Variants in MGAT4A observed in about 807,000 individuals in gnomAD.
The protein encoded by MGAT4A is N-acetylglucosaminyltransferase IVa.
Under a neutral mutation model 74.1 loss-of-function variants are expected in MGAT4A, and 33 were observed. The observed-to-expected ratio is 0.45, with a 90% CI of 0.34 to 0.60. The LOEUF (loss-of-function observed/expected upper bound fraction) is 0.60. Among genes scored for constraint, MGAT4A ranks in the 20% least tolerant of loss-of-function variants. MGAT4A has a pLI of 0.02. For synonymous variants in MGAT4A, 198 were observed against 210.4 expected, an observed-to-expected ratio of 0.94 and a Z score of 0.51; for missense variants, 479 against 628.3, an observed-to-expected ratio of 0.76 and a Z score of 2.54.
intron 2 of MGAT4A, among the ~76,000 whole-genome samples, chr2:98,679,186 C>T (rs926299718): frequency 2.0e-5 from 3 of 152,054 alleles, no homozygotes; most frequent in Non-Finnish European, 4.4e-5. Context: ...GTGGGCGGAT[C>T]ACGAGGTCAG....
rs142922685 is a variant in MGAT4A, at chr2:98,667,696, T to TTTGTTGTTGTTG, written c.404-4529_404-4518dup. 3.1e-3 allele frequency among the ~76,000 whole-genome samples: 471 copies of TTTGTTGTTGTTG among 150,268 alleles called. 4 individuals carry two copies. The highest frequency in any genetic ancestry group is 0.01 in the African/African-American group (425 of 40,674). ...TGGGTGCTGTTAAAGGCATTCAGTTTTTGTTGTTGTTGTTGTTGTTGTTGT... is the reference window on the plus strand; with the variant it reads ...TGGGTGCTGTTAAAGGCATTCAGTTTTTGTTGTTGTTGTTGTTGTTGTTGTTGTTGTTGTTGT... On this transcript the variant is annotated intron_variant, in intron 4 of 15. Transcript: ENST00000393487.
intron 2 of MGAT4A, among the ~76,000 whole-genome samples, chr2:98,702,550 G>T (rs761169931): frequency 1.3e-5 from 2 of 152,210 alleles, no homozygotes; most frequent in African/African-American, 2.4e-5. Context: ...GGTCATTAGA[G>T]CCCATGCATG....
At chr2:98,636,216 C>T (rs1234785275) in intron 13 of MGAT4A, among the ~76,000 whole-genome samples, 1 of 151,790 alleles carries the variant, frequency 6.6e-6, no homozygotes, top group Admixed American at 6.6e-5. Flanking sequence ...TGGTTTTGAA[C>T]TCCTGACCTC....
intron 2 of MGAT4A, among the ~76,000 whole-genome samples, chr2:98,688,441 A>ATAG (rs1702155215): frequency 6.6e-6 from 1 of 152,154 alleles, no homozygotes; most frequent in Non-Finnish European, 1.5e-5. Flanking sequence ...CTTCTAATGA[A>ATAG]CAGAATATGG....
intron 4 of MGAT4A, among the ~76,000 whole-genome samples, chr2:98,665,885 C>G (rs1701822366): frequency 6.6e-6 from 1 of 152,154 alleles, no homozygotes; most frequent in Non-Finnish European, 1.5e-5. Context: ...TTGACATAGT[C>G]AAGAAATACC....
At chr2:98,674,979 C>G in intron 4 of MGAT4A, 56 bp downstream of exon 4, 1 of 1,573,782 alleles carries the variant, frequency 6.4e-7, no homozygotes, top group South Asian at 1.2e-5. Flanking sequence ...ACATAATAGT[C>G]CAAAACACAT....
chr2:98,719,806 C>T (rs1702641135), intron 2 of MGAT4A, among the ~76,000 whole-genome samples: 1 of 152,240 alleles, frequency 6.6e-6, no homozygotes, highest in Non-Finnish European at 1.5e-5. Context: ...CACCACCACG[C>T]CCAGCTAATT....
intron 7 of MGAT4A, 168 bp downstream of exon 7, chr2:98,656,184 C>G (rs1701658144): frequency 1.8e-6 from 1 of 548,744 alleles, no homozygotes; most frequent in Non-Finnish European, 3.2e-6. Flanking sequence ...TTTACATATT[C>G]TAAGAAAACT....
chr2:98,702,863 CCAGTT>C (rs1702371349), intron 2 of MGAT4A, among the ~76,000 whole-genome samples: 1 of 152,196 alleles, frequency 6.6e-6, no homozygotes. Flanking sequence ...TTAGTCCAGT[CCAGTT>C]ACTTAAACAA....
At chr2:98,700,000 A>G (rs1283351977) in intron 2 of MGAT4A, among the ~76,000 whole-genome samples, 2 of 152,194 alleles carry the variant, frequency 1.3e-5, no homozygotes, top group Non-Finnish European at 2.9e-5. Context: ...TGCACGTGAG[A>G]TAACATCTGA....
At chr2:98,705,806 G>A (rs1415236897) in intron 2 of MGAT4A, among the ~76,000 whole-genome samples, 4 of 151,928 alleles carry the variant, frequency 2.6e-5, no homozygotes, top group East Asian at 1.9e-4. Flanking sequence ...AGCCGGGCGC[G>A]GTGGCGGGCG....
intron 3 of MGAT4A, among the ~76,000 whole-genome samples, chr2:98,677,400 T>A (rs995993988): frequency 2.6e-5 from 4 of 152,234 alleles, no homozygotes; most frequent in African/African-American, 9.6e-5. Context: ...AATCTCATTT[T>A]CAAAAGATGC....
intron 2 of MGAT4A, among the ~76,000 whole-genome samples, chr2:98,691,858 C>T (rs1702199426): frequency 6.6e-6 from 1 of 152,162 alleles, no homozygotes; most frequent in African/African-American, 2.4e-5. Context: ...GACTAGGAAA[C>T]TGATGATCCT....
intron 12 of MGAT4A, among the ~76,000 whole-genome samples, chr2:98,639,404 T>C (rs1701371001): frequency 1.3e-5 from 2 of 152,200 alleles, no homozygotes; most frequent in Admixed American, 1.3e-4. Flanking sequence ...GTAAAACTAT[T>C]GACTAAGAAT....
intron 5 of MGAT4A, among the ~76,000 whole-genome samples, chr2:98,662,669 A>G (rs1449573997): frequency 1.3e-5 from 2 of 152,214 alleles, no homozygotes; most frequent in Non-Finnish European, 2.9e-5. Context: ...ATTTCTTAGG[A>G]GTACAGAGAA....
intron 10 of MGAT4A, among the ~76,000 whole-genome samples, chr2:98,642,513 G>A (rs996817732): frequency 6.6e-6 from 1 of 152,180 alleles, no homozygotes; most frequent in Admixed American, 6.5e-5. Flanking sequence ...CCAAATTTAT[G>A]GAGGATTTAG....
At chr2:98,638,048 G>GT (rs1341885346) in intron 12 of MGAT4A, among the ~76,000 whole-genome samples, 1 of 152,160 alleles carries the variant, frequency 6.6e-6, no homozygotes, top group African/African-American at 2.4e-5. Flanking sequence ...GGATGTCTCA[G>GT]TTTTACTTCC....
chr2:98,699,930 C>A (rs1170052906), intron 2 of MGAT4A, among the ~76,000 whole-genome samples: 2 of 152,192 alleles, frequency 1.3e-5, no homozygotes, highest in Non-Finnish European at 2.9e-5. Context: ...TGGCCCACCA[C>A]ATCTCTTGCC....
At chr2:98,656,642 C>T (rs1701666101) in intron 6 of MGAT4A, among the ~76,000 whole-genome samples, 177 bp from the exon 7 acceptor site, 1 of 151,982 alleles carries the variant, frequency 6.6e-6, no homozygotes, top group African/African-American at 2.4e-5. Flanking sequence ...ACAGAAAATA[C>T]AGTTTTTTCC....
Sources: gnomAD v4.1 joint callset for allele counts (sites outside exome capture counted in the v4.1 genomes callset) on GRCh38, gnomAD v4.1.1 for gene constraint, MANE v1.5 for transcripts, NCBI Gene and HGNC (gene_info 2026-07-23, HGNC 2026-07-21) for gene names.